Variants in MAST2 observed in about 807,000 individuals in gnomAD.
The protein encoded by MAST2 is microtubule-associated serine/threonine-protein kinase 2.
A neutral mutation model predicts 147.4 loss-of-function variants in MAST2; 70 were observed. That is an observed-to-expected ratio of 0.47 (90% CI 0.39 to 0.58). The LOEUF is 0.58. MAST2 is among the 20% of genes least tolerant of loss of function. MAST2 has a pLI of 0.00. For synonymous variants in MAST2, 869 were observed against 896.8 expected (o/e 0.97, Z 0.55); for missense variants, 2,080 against 2,302.3 (o/e 0.90, Z 1.98).
intron 5 of MAST2, among the ~76,000 whole-genome samples, chr1:45,984,604 T>C (rs1644542306): frequency 6.6e-6 from 1 of 152,112 alleles, no homozygotes; most frequent in Non-Finnish European, 1.5e-5. Flanking sequence ...CCACCACCCC[T>C]GGCCTATTTT....
At chr1:45,834,193 T>C (rs1645038766) in intron 3 of MAST2, among the ~76,000 whole-genome samples, 1 of 152,150 alleles carries the variant, frequency 6.6e-6, no homozygotes, top group South Asian at 2.1e-4. Flanking sequence ...AGGACAACTA[T>C]TTAAAAATAA....
At chr1:46,032,774 T>C (rs1252436258) in intron 26 of MAST2, 56 bp downstream of exon 26, 4 of 1,580,592 alleles carry the variant, frequency 2.5e-6, no homozygotes, top group Non-Finnish European at 3.4e-6. Context: ...CCTGTGAGTC[T>C]GTGATGGCAG....
At chr1:45,809,383 C>T (rs921142642) in intron 1 of MAST2, among the ~76,000 whole-genome samples, 2 of 152,186 alleles carry the variant, frequency 1.3e-5, no homozygotes, top group African/African-American at 4.8e-5. Context: ...GTGGCTCATA[C>T]TTGTAATCCC....
intron 4 of MAST2, among the ~76,000 whole-genome samples, chr1:45,882,940 C>G (rs1646913807): frequency 6.6e-6 from 1 of 152,086 alleles, no homozygotes; most frequent in Admixed American, 6.6e-5. Context: ...CTTAAATTCT[C>G]TTGGACTGCT....
At chr1:45,924,264 T>A (rs1654002187) in intron 4 of MAST2, among the ~76,000 whole-genome samples, 1 of 152,210 alleles carries the variant, frequency 6.6e-6, no homozygotes, top group Admixed American at 6.5e-5. Context: ...TGTACTCAAA[T>A]TCACAGTCCA....
intron 4 of MAST2, among the ~76,000 whole-genome samples, chr1:45,889,028 A>G (rs1647260693): frequency 1.3e-5 from 2 of 152,008 alleles, no homozygotes; most frequent in Non-Finnish European, 2.9e-5. Context: ...AGTCACAGCC[A>G]TTGTAATCTC....
intron 1 of MAST2, among the ~76,000 whole-genome samples, chr1:45,813,285 T>C (rs1289866708): frequency 6.6e-6 from 1 of 152,092 alleles, no homozygotes; most frequent in Non-Finnish European, 1.5e-5. Context: ...TTTTAGTCAA[T>C]GATGGATGAC....
intron 3 of MAST2, among the ~76,000 whole-genome samples, chr1:45,867,857 A>T (rs892253090): frequency 7.2e-5 from 11 of 152,210 alleles, no homozygotes; most frequent in Admixed American, 1.3e-4. Context: ...TTGACTCACA[A>T]CAATGAAGTC....
intron 4 of MAST2, 77 bp downstream of exon 4, chr1:45,882,472 T>C (rs1453167471): frequency 6.2e-6 from 7 of 1,125,820 alleles, no homozygotes; most frequent in South Asian, 1.3e-5. Flanking sequence ...CCCACTATCA[T>C]GTGGAGGAAT....
intron 2 of MAST2, among the ~76,000 whole-genome samples, chr1:45,826,277 C>T (rs901234520): frequency 7.9e-5 from 12 of 152,148 alleles, no homozygotes; most frequent in Non-Finnish European, 1.5e-4. Context: ...TATCTGATTG[C>T]AGCTCGTGTC....
At chr1:45,825,151 G>A (rs1248101691) in intron 2 of MAST2, among the ~76,000 whole-genome samples, 2 of 151,618 alleles carry the variant, frequency 1.3e-5, no homozygotes, top group African/African-American at 2.4e-5. Flanking sequence ...TCAGCCTCCC[G>A]AGTAGCTGGG....
intron 4 of MAST2, among the ~76,000 whole-genome samples, chr1:45,904,945 C>T (rs1324104869): frequency 6.6e-6 from 1 of 151,670 alleles, no homozygotes; most frequent in Non-Finnish European, 1.5e-5. Context: ...GTAGCTGGGA[C>T]CACAGGGACA....
In MAST2 at chr1:46,031,658, G is replaced by A; in HGVS notation, c.3187+73G>A. On this transcript the variant is annotated intron_variant, in intron 24 of 28. Coordinates refer to ENST00000361297, the MANE Select transcript of MAST2 (RefSeq NM_015112.3). This position sits in a 1 kb window ranked among gnomAD's most constrained non-coding sequence, Gnocchi z 4.1. ...AATCTCTAGGCCTTGGGAGGGTTCTGCACGTGGCAGGTGTGTGTGTGTGTG... is the reference window on the plus strand; with the variant it reads ...AATCTCTAGGCCTTGGGAGGGTTCTACACGTGGCAGGTGTGTGTGTGTGTG... The A allele has an allele frequency of 2.8e-6, 4 of 1,431,846 alleles. No homozygotes were observed. Among genetic ancestry groups the A allele is most frequent in the Non-Finnish European group, 3.8e-6 (4 of 1,048,790 alleles). 88.7% of individuals were successfully genotyped at this position (1,431,846 alleles called of 1,614,324 possible). A position where few individuals can be genotyped will look rare whatever the true frequency, so the allele number is the denominator to read the frequency against.
At chr1:45,964,791 G>T (rs1350414594) in intron 5 of MAST2, among the ~76,000 whole-genome samples, 1 of 152,024 alleles carries the variant, frequency 6.6e-6, no homozygotes, top group African/African-American at 2.4e-5. Flanking sequence ...TGCTTTTCTA[G>T]TTCTTTTAAT....
intron 3 of MAST2, among the ~76,000 whole-genome samples, chr1:45,840,083 T>C (rs1645227416): frequency 6.6e-6 from 1 of 152,174 alleles, no homozygotes; most frequent in Non-Finnish European, 1.5e-5. Context: ...TAAAAAAAGC[T>C]TAACCTATAA....
At chr1:45,936,159 G>A (rs758475377) in intron 4 of MAST2, among the ~76,000 whole-genome samples, 11 of 152,138 alleles carry the variant, frequency 7.2e-5, no homozygotes, top group Non-Finnish European at 1.0e-4. Context: ...TGTGGTTATT[G>A]TCATTGGGAT....
chr1:46,031,239 C>A lies in MAST2; in HGVS notation c.2941C>A (p.Arg981=). 1 of 1,538,762 alleles carries A rather than the reference C, an allele frequency of 6.5e-7. No individual in the cohort carries two copies. The highest frequency in any genetic ancestry group is 8.8e-7 in the Non-Finnish European group (1 of 1,140,078). Residue 981 remains arginine, a synonymous_variant, in exon 23 of 29, where the codon CGG becomes AGG. Transcript: ENST00000361297. The surrounding 1 kb of genome is among the most constrained non-coding windows in gnomAD (Gnocchi z 4.1). The part of the protein sequence containing the change: ...GPVTEHSGEQ[R]PKLDEEAVGR... ...TGTCACTGAACACTCAGGGGAGCAG[C>A]GGCCAAAGCTGGATGAGGAAGCTGT... is the stretch of plus-strand genomic sequence containing the variant.
rs78145651 is a variant in MAST2, at chr1:45,954,469, C to T, written c.501-4917C>T. ...TAAGAAATTGAAATGCCAAGTCTCA[C>T]TCCAAGTAGCCAAGTGACTGGGATG... On this transcript the variant is annotated intron_variant, in intron 4 of 28. Coordinates refer to ENST00000361297, the MANE Select transcript of MAST2 (RefSeq NM_015112.3). Among the ~76,000 whole-genome samples the T allele has an allele frequency of 3.6e-3, 543 of 152,300 alleles. 6 individuals are homozygous for T. The highest frequency in any genetic ancestry group is 0.034 in the East Asian group (175 of 5,178).
At chr1:45,931,695 T>C (rs1222858478) in intron 4 of MAST2, among the ~76,000 whole-genome samples, 6 of 151,862 alleles carry the variant, frequency 4.0e-5, no homozygotes, top group Non-Finnish European at 8.8e-5. Context: ...GACTTCACCA[T>C]ATTGGTGAAA....
Sources: allele counts gnomAD v4.1 joint callset (sites outside exome capture counted in the v4.1 genomes callset), GRCh38; gene constraint gnomAD v4.1.1; non-coding constraint Gnocchi (gnomAD v3.1); transcripts MANE v1.5; gene names NCBI Gene and HGNC (gene_info 2026-07-23, HGNC 2026-07-21).